The following CDH12 variants were observed in gnomAD, a reference collection of about 807,000 sequenced individuals.
CDH12 encodes cadherin 12, also known as cadherin-12.
In CDH12, 41 loss-of-function variants were observed where a neutral mutation model predicts 74.1. The ratio of observed to expected loss-of-function variants is 0.55; its 90% CI spans 0.43 to 0.72. CDH12 has a LOEUF of 0.72. CDH12 is among the 30% of genes least tolerant of loss of function. The pLI is 0.00. For missense variants in CDH12, 945 were observed against 977.2 expected, an observed-to-expected ratio of 0.97 and a Z score of 0.44; for synonymous variants, 399 against 355.0, an observed-to-expected ratio of 1.12 and a Z score of -1.39.
At chr5:22,605,843 C>T (rs547806240) in intron 1 of CDH12, among the ~76,000 whole-genome samples, 1 of 152,190 alleles carries the variant, frequency 6.6e-6, no homozygotes. Context: ...AGCAAAGGAG[C>T]CAGCCCATGA....
Position 22,167,040 on chromosome 5 carries a change from T to G in CDH12, c.-187+45458A>C, listed in dbSNP as rs192991583. Among the ~76,000 whole-genome samples the G allele has an allele frequency of 4.5e-4, 69 of 152,298 alleles. No individual in the cohort carries two copies. In the East Asian group the frequency reaches 0.012, roughly 26 times the overall value. Reference sequence around the variant, plus strand: ...GAAAAGAAAATAAGTGTTTTCCAACTGAGCATAATAAAGGAGGCTAAACAT... The same window carrying G: ...GAAAAGAAAATAAGTGTTTTCCAACGGAGCATAATAAAGGAGGCTAAACAT... On this transcript the variant is annotated intron_variant, in intron 4 of 14. Transcript: ENST00000382254.
At chr5:22,036,373 G>A (rs1739189418) in intron 5 of CDH12, among the ~76,000 whole-genome samples, 1 of 152,128 alleles carries the variant, frequency 6.6e-6, no homozygotes, top group African/African-American at 2.4e-5. Flanking sequence ...TTCCAGTATG[G>A]TATGGTAATG....
At chr5:22,381,669 C>T (rs1741763796) in intron 3 of CDH12, among the ~76,000 whole-genome samples, 2 of 152,000 alleles carry the variant, frequency 1.3e-5, no homozygotes, top group Admixed American at 1.3e-4. Context: ...GACTATAATA[C>T]TCTATATCAT....
chr5:22,640,551 T>C (rs538926019), intron 1 of CDH12, among the ~76,000 whole-genome samples: 1 of 152,316 alleles, frequency 6.6e-6, no homozygotes, highest in African/African-American at 2.4e-5. Context: ...ATTCATATAA[T>C]TTAACATCTA....
intron 4 of CDH12, among the ~76,000 whole-genome samples, chr5:22,163,071 T>C (rs1039703313): frequency 6.6e-6 from 1 of 152,044 alleles, no homozygotes; most frequent in African/African-American, 2.4e-5. Context: ...TAATTTTTTG[T>C]ATTTTTAGTA....
At chr5:22,318,844 G>C (rs1472064875) in intron 3 of CDH12, among the ~76,000 whole-genome samples, 2 of 152,068 alleles carry the variant, frequency 1.3e-5, no homozygotes, top group South Asian at 2.1e-4. Flanking sequence ...CATCAGGCTT[G>C]TGTAACCCGA....
intron 1 of CDH12, among the ~76,000 whole-genome samples, chr5:22,784,594 C>T (rs1434463750): frequency 6.6e-6 from 1 of 152,138 alleles, no homozygotes; most frequent in African/African-American, 2.4e-5. Context: ...ACGATCATGG[C>T]TTGTTACTTG....
At chr5:22,520,382 T>C (rs892072115) in intron 1 of CDH12, among the ~76,000 whole-genome samples, 5 of 152,194 alleles carry the variant, frequency 3.3e-5, no homozygotes, top group African/African-American at 9.6e-5. Flanking sequence ...GCAACATTTT[T>C]TGATAAAACA....
At chr5:21,774,067 C>G (rs903698458) in intron 11 of CDH12, among the ~76,000 whole-genome samples, 2 of 152,084 alleles carry the variant, frequency 1.3e-5, no homozygotes, top group Non-Finnish European at 2.9e-5. Context: ...TGAGTGTCAA[C>G]TTGATTGGAC....
intron 4 of CDH12, among the ~76,000 whole-genome samples, chr5:22,160,194 T>A (rs1437698936): frequency 6.6e-6 from 1 of 152,198 alleles, no homozygotes; most frequent in African/African-American, 2.4e-5. Flanking sequence ...ATAGATTCAG[T>A]CTGGCAGAAA....
intron 1 of CDH12, among the ~76,000 whole-genome samples, chr5:22,696,370 C>CAAAAAAAAA (rs1313736569): frequency 1.0e-4 from 10 of 96,478 alleles, no homozygotes; most frequent in African/African-American, 4.0e-4. Flanking sequence ...GACTCCGTCT[C>CAAAAAAAAA]AAAAAAAAAA....
chr5:22,558,834 T>C (rs760887371), intron 1 of CDH12, among the ~76,000 whole-genome samples: 19 of 152,118 alleles, frequency 1.2e-4, no homozygotes, highest in South Asian at 6.2e-4. Flanking sequence ...ATGGAAACAA[T>C]GTGCTTTGAA....
At chr5:22,482,400 A>T (rs974271090) in intron 2 of CDH12, among the ~76,000 whole-genome samples, 13 of 152,138 alleles carry the variant, frequency 8.5e-5, no homozygotes, top group African/African-American at 3.1e-4. Context: ...ATCAAGAAAA[A>T]AATCTCCAAT....
At chr5:22,718,074 T>C (rs1049968792) in intron 1 of CDH12, among the ~76,000 whole-genome samples, 1 of 152,208 alleles carries the variant, frequency 6.6e-6, no homozygotes, top group African/African-American at 2.4e-5. Context: ...TTTTAGCTAA[T>C]ACATGTTTAT....
At chr5:22,295,664 C>T (rs1271208395) in intron 3 of CDH12, among the ~76,000 whole-genome samples, 1 of 151,966 alleles carries the variant, frequency 6.6e-6, no homozygotes, top group East Asian at 1.9e-4. Flanking sequence ...AATTCAGAAG[C>T]CTTTGAAAAT....
intron 2 of CDH12, among the ~76,000 whole-genome samples, chr5:22,466,971 T>C (rs1745758248): frequency 6.7e-6 from 1 of 149,772 alleles, no homozygotes; most frequent in African/African-American, 2.5e-5. Flanking sequence ...GTATTTTTAG[T>C]AGACACGGGG....
rs777621083 is a variant in CDH12, at chr5:21,751,848, G to T, written c.2274C>A (p.Thr758=). 6.2e-7 allele frequency: 1 copy of T among 1,614,042 alleles called. No homozygotes were observed. The highest frequency in any genetic ancestry group is 8.5e-7 in the Non-Finnish European group (1 of 1,179,998). The change falls in exon 15 of 15, where the codon ACC becomes ACA. Residue 758 remains threonine, a synonymous_variant. Coordinates refer to ENST00000382254, the MANE Select transcript of CDH12 (RefSeq NM_004061.5). ...AGTCATAGTCCTGGTCGGCTTCTGT[G>T]GTGAGAGAGTCTATAGAGCTGAGGG... The part of the protein sequence containing the change: ...AESLSSIDSL[T]TEADQDYDYL...
intron 3 of CDH12, among the ~76,000 whole-genome samples, chr5:22,331,086 A>T (rs1739331349): frequency 6.6e-6 from 1 of 152,216 alleles, no homozygotes; most frequent in Non-Finnish European, 1.5e-5. Context: ...AGGGGAAAAA[A>T]TAACAAGACT....
At chr5:22,029,518 A>C (rs1420471830) in intron 5 of CDH12, among the ~76,000 whole-genome samples, 1 of 151,006 alleles carries the variant, frequency 6.6e-6, no homozygotes, top group African/African-American at 2.4e-5. Context: ...AAAAATGCTC[A>C]TCATCACTGG....
Sources: allele counts gnomAD v4.1 joint callset (sites outside exome capture counted in the v4.1 genomes callset), GRCh38; gene constraint gnomAD v4.1.1; transcripts MANE v1.5; gene names NCBI Gene and HGNC (gene_info 2026-07-23, HGNC 2026-07-21).